The following STARD13 variants were observed in gnomAD, a reference collection of about 807,000 sequenced individuals.
STARD13 encodes the protein StAR related lipid transfer domain containing 13.
Under a neutral mutation model 106.4 loss-of-function variants are expected in STARD13, and 62 were observed. The observed-to-expected ratio is 0.58, with a 90% CI of 0.48 to 0.72. The LOEUF is 0.72. Among genes scored for constraint, STARD13 ranks in the 30% least tolerant of loss-of-function variants. The probability of loss-of-function intolerance (pLI) is 0.00; values close to 1 mark genes in which losing one functional copy is unlikely to be tolerated. For missense variants in STARD13, 1,387 were observed against 1,424.0 expected, an observed-to-expected ratio of 0.97 and a Z score of 0.42; for synonymous variants, 565 against 553.0, an observed-to-expected ratio of 1.02 and a Z score of -0.31.
chr13:33,438,943 C>T, the STARD13 span, among the ~76,000 whole-genome samples: 1 of 152,148 alleles, frequency 6.6e-6, no homozygotes, highest in African/African-American at 2.4e-5. Flanking sequence ...AAGATATAAA[C>T]TCAGAGAAAA....
the STARD13 span, among the ~76,000 whole-genome samples, chr13:33,642,822 G>GAACA: frequency 6.9e-6 from 1 of 144,354 alleles, no homozygotes; most frequent in African/African-American, 2.6e-5. Context: ...GGAATGCTGG[G>GAACA]AACAAACAAA....
At chr13:33,113,004 C>T in intron 8 of STARD13, 73 bp from the exon 9 acceptor site, 2 of 1,143,870 alleles carry the variant, frequency 1.7e-6, no homozygotes, top group Non-Finnish European at 2.5e-6. Flanking sequence ...ACTGTGTAAG[C>T]TCCACATTCC....
rs566062727 is a variant in STARD13, at chr13:33,241,929, G to A, written c.169+43541C>T. Among the ~76,000 whole-genome samples the A allele has an allele frequency of 3.9e-4, 59 of 152,320 alleles. 3 individuals carry two copies. The South Asian group carries it at 0.011, about 29-fold the overall frequency. Reference sequence around the variant, plus strand: ...CAGCCGCCTGCCTTGGCCTCCCAAAGTGCAGAGATTGCAGCCTCTGTCCGG... The same window carrying A: ...CAGCCGCCTGCCTTGGCCTCCCAAAATGCAGAGATTGCAGCCTCTGTCCGG... On this transcript the variant is annotated intron_variant, in intron 1 of 13. Transcript: ENST00000336934.
the STARD13 span, among the ~76,000 whole-genome samples, chr13:33,435,908 A>T: frequency 3.3e-5 from 5 of 152,226 alleles, no homozygotes; most frequent in Middle Eastern, 3.2e-3. Flanking sequence ...GAAACAGAAG[A>T]ATAGGTACAC....
the STARD13 span, among the ~76,000 whole-genome samples, chr13:33,569,182 A>G: frequency 6.7e-6 from 1 of 148,152 alleles, no homozygotes; most frequent in Admixed American, 7.0e-5. Flanking sequence ...ATAATCTTGT[A>G]TATGATGTTA....
the STARD13 span, among the ~76,000 whole-genome samples, chr13:33,489,228 AG>A: frequency 5.9e-5 from 9 of 152,266 alleles, no homozygotes; most frequent in African/African-American, 9.6e-5. Context: ...TAATAAAAAA[AG>A]ATCAACTCTC....
chr13:33,448,274 C>T, the STARD13 span, among the ~76,000 whole-genome samples: 3 of 152,130 alleles, frequency 2.0e-5, no homozygotes, highest in Admixed American at 6.5e-5. Flanking sequence ...CCTCACTACA[C>T]TTCCCATCCT....
the STARD13 span, among the ~76,000 whole-genome samples, chr13:33,571,346 T>C: frequency 1.3e-5 from 2 of 152,336 alleles, no homozygotes; most frequent in Non-Finnish European, 2.9e-5. Flanking sequence ...AAAATTAGTA[T>C]CTCAATTCAA....
At chr13:33,170,877 T>C (rs1883880967) in intron 1 of STARD13, among the ~76,000 whole-genome samples, 1 of 152,150 alleles carries the variant, frequency 6.6e-6, no homozygotes, top group Non-Finnish European at 1.5e-5. Flanking sequence ...CTATCAAATC[T>C]GAGTTTGCCC....
intron 3 of STARD13, among the ~76,000 whole-genome samples, chr13:33,151,295 A>T (rs1881246777): frequency 6.6e-6 from 1 of 152,170 alleles, no homozygotes; most frequent in South Asian, 2.1e-4. Flanking sequence ...CAGGCTGTAC[A>T]AGGAGCATGG....
chr13:33,169,510 C>T lies in STARD13; in HGVS notation c.170-1888G>A, dbSNP rs76897812. 2.4e-3 allele frequency among the ~76,000 whole-genome samples: 369 copies of T among 152,270 alleles called. 3 individuals carry two copies. Among genetic ancestry groups the T allele is most frequent in the Non-Finnish European group, 3.9e-3 (264 of 68,032 alleles). ...TGCTTCCCGCTCCCATATAATACAGCGGATAGTAACGAGAAAACACCTAAT... is the reference window on the plus strand; with the variant it reads ...TGCTTCCCGCTCCCATATAATACAGTGGATAGTAACGAGAAAACACCTAAT... On this transcript the variant is annotated intron_variant, in intron 1 of 13. Transcript: ENST00000336934.
the STARD13 span, among the ~76,000 whole-genome samples, chr13:33,555,578 C>T: frequency 6.6e-6 from 1 of 152,176 alleles, no homozygotes; most frequent in Non-Finnish European, 1.5e-5. Context: ...AACAGCTGTT[C>T]GTTCCTCTGT....
the STARD13 span, among the ~76,000 whole-genome samples, chr13:33,462,351 T>G: frequency 1.3e-5 from 2 of 152,264 alleles, no homozygotes; most frequent in African/African-American, 4.8e-5. Flanking sequence ...ACAGATCATA[T>G]ACCACATTAT....
intron 1 of STARD13, among the ~76,000 whole-genome samples, chr13:33,195,049 T>A (rs536058210): frequency 6.6e-6 from 1 of 152,360 alleles, no homozygotes; most frequent in South Asian, 2.1e-4. Flanking sequence ...TGAACTGTGT[T>A]TTATTTATTT....
the STARD13 span, among the ~76,000 whole-genome samples, chr13:33,430,091 G>C: frequency 3.3e-5 from 5 of 152,046 alleles, no homozygotes; most frequent in African/African-American, 7.2e-5. Flanking sequence ...CTAATTTTTT[G>C]TAATTTTAGT....
At chr13:33,541,266 A>G in the STARD13 span, among the ~76,000 whole-genome samples, 1 of 152,190 alleles carries the variant, frequency 6.6e-6, no homozygotes, top group East Asian at 1.9e-4. Flanking sequence ...ATTTGATTTT[A>G]GGGTCTAAAA....
At chr13:33,453,435 T>C in the STARD13 span, among the ~76,000 whole-genome samples, 5 of 152,214 alleles carry the variant, frequency 3.3e-5, no homozygotes, top group Non-Finnish European at 2.9e-5. Flanking sequence ...TCCTAAGTGC[T>C]TTAAGAAATA....
At chr13:33,616,932 G>C in the STARD13 span, among the ~76,000 whole-genome samples, 148 of 152,294 alleles carry the variant, frequency 9.7e-4, 1 homozygote, top group African/African-American at 3.4e-3. Flanking sequence ...TAAGTAAAAT[G>C]GACCAGGCAA....
chr13:33,486,374 T>A, the STARD13 span, among the ~76,000 whole-genome samples: 1 of 152,154 alleles, frequency 6.6e-6, no homozygotes, highest in African/African-American at 2.4e-5. Flanking sequence ...CCAACCCCTA[T>A]ATAAACTATG....
Sources: gnomAD v4.1 joint callset for allele counts (sites outside exome capture counted in the v4.1 genomes callset) on GRCh38, gnomAD v4.1.1 for gene constraint, MANE v1.5 for transcripts, NCBI Gene and HGNC (gene_info 2026-07-23, HGNC 2026-07-21) for gene names.